Variants in ADCY3 observed in about 807,000 individuals in gnomAD.
ADCY3 encodes the protein adenylate cyclase type 3.
ADCY3 carries 70 observed loss-of-function variants against 119.4 expected under a neutral mutation model. The ratio of observed to expected loss-of-function variants is 0.59; its 90% CI spans 0.48 to 0.72. ADCY3 has a LOEUF of 0.72. Ranked by LOEUF, ADCY3 falls within the 30% of genes least tolerant of loss-of-function variation. ADCY3 has a pLI of 0.00. For synonymous variants in ADCY3, 672 were observed against 621.4 expected, an observed-to-expected ratio of 1.08 and a Z score of -1.21; for missense variants, 1,238 against 1,541.6, an observed-to-expected ratio of 0.80 and a Z score of 3.30.
chr2:24,877,888 G>A (rs1245981204), intron 2 of ADCY3: 1 of 471,064 alleles, frequency 2.1e-6, no homozygotes, highest in Non-Finnish European at 4.4e-6. Context: ...GGAGCTGACT[G>A]CACTGCCCAG....
chr2:24,829,022 C>CTTTAT (rs568267373), intron 13 of ADCY3, among the ~76,000 whole-genome samples: 1 of 144,546 alleles, frequency 6.9e-6, no homozygotes, highest in African/African-American at 2.5e-5. Flanking sequence ...TCTTTTTTTT[C>CTTTAT]TTTTTTTTTT....
intron 2 of ADCY3, among the ~76,000 whole-genome samples, chr2:24,913,379 G>A (rs1356617598): frequency 6.6e-6 from 1 of 152,236 alleles, no homozygotes; most frequent in African/African-American, 2.4e-5. Context: ...CTTAGGGACT[G>A]CCATCTCTTG....
In ADCY3 at chr2:24,872,759, A is replaced by T; in HGVS notation, c.676-40T>A. ...AGAAGAGAGAAAAGGCCAGGGGTGA[A>T]GGCACGTCTTCAGAAAAGGGGATGG... On this transcript the variant is annotated intron_variant, in intron 2 of 21. Coordinates refer to ENST00000679454, the MANE Select transcript of ADCY3 (RefSeq NM_004036.5). This position sits in a 1 kb window ranked among gnomAD's most constrained non-coding sequence, Gnocchi z 4.4. 6.3e-7 allele frequency: 1 copy of T among 1,596,632 alleles called. No homozygotes were observed. Among genetic ancestry groups the T allele is most frequent in the Non-Finnish European group, 8.6e-7 (1 of 1,167,850 alleles).
At chr2:24,864,012 C>T (rs924272213) in intron 3 of ADCY3, among the ~76,000 whole-genome samples, 3 of 152,242 alleles carry the variant, frequency 2.0e-5, no homozygotes, top group Non-Finnish European at 2.9e-5. Context: ...GGAGGCCGGA[C>T]GTGGTGGCTC....
intron 9 of ADCY3, 126 bp from the exon 10 acceptor site, chr2:24,835,062 CTCTAAAA>C: frequency 8.0e-7 from 1 of 1,254,284 alleles, no homozygotes; most frequent in Non-Finnish European, 1.1e-6. Flanking sequence ...ATCCCTCCAG[CTCTAAAA>C]TCCCTTTCCG....
intron 17 of ADCY3, 102 bp from the exon 18 acceptor site, chr2:24,823,457 TTTTTG>T (rs1668091419): frequency 1.9e-5 from 26 of 1,337,132 alleles, no homozygotes; most frequent in Non-Finnish European, 2.6e-5. Flanking sequence ...TGCACTCAGC[TTTTTG>T]GACTCACACA....
At chr2:24,856,481 G>A (rs1572902961) in intron 3 of ADCY3, among the ~76,000 whole-genome samples, 1 of 152,178 alleles carries the variant, frequency 6.6e-6, no homozygotes, top group South Asian at 2.1e-4. Flanking sequence ...AAAAGTCACT[G>A]CACCCCACCA....
rs117325815 is a variant in ADCY3, at chr2:24,860,627, C to T, written c.825+11943G>A. 4.6e-3 allele frequency among the ~76,000 whole-genome samples: 706 copies of T among 152,348 alleles called. 14 individuals carry two copies. The highest frequency in any genetic ancestry group is 1.0e-2 in the Admixed American group (153 of 15,310). ...ACCCAAATGCTCTGTTGCCTCAATG[C>T]ACCCTTTGACATGTGGACATGCTCA... On this transcript the variant is annotated intron_variant, in intron 3 of 21. Coordinates refer to ENST00000679454, the MANE Select transcript of ADCY3 (RefSeq NM_004036.5).
intron 2 of ADCY3, among the ~76,000 whole-genome samples, chr2:24,875,991 G>GT (rs200372442): frequency 2.7e-5 from 4 of 150,164 alleles, no homozygotes; most frequent in Non-Finnish European, 5.9e-5. Flanking sequence ...CTTTTTGGGA[G>GT]GGGGGCGGTG....
chr2:24,823,448 G>T, intron 17 of ADCY3, 93 bp from the exon 18 acceptor site: 1 of 1,397,960 alleles, frequency 7.2e-7, no homozygotes, highest in South Asian at 1.4e-5. Context: ...CATGACATGT[G>T]CACTCAGCTT....
chr2:24,830,044 C>CTTTTTT (rs66894795), intron 13 of ADCY3, among the ~76,000 whole-genome samples: 4 of 132,736 alleles, frequency 3.0e-5, no homozygotes, highest in Non-Finnish European at 4.8e-5. Flanking sequence ...AGTGAATTAC[C>CTTTTTT]TTTTTTTTTT....
At chr2:24,908,884 T>G (rs573734084) in intron 2 of ADCY3, among the ~76,000 whole-genome samples, 10 of 142,116 alleles carry the variant, frequency 7.0e-5, no homozygotes, top group African/African-American at 2.7e-4. Flanking sequence ...AGATGTCCCA[T>G]GCTGAGGGCC....
Position 24,834,361 on chromosome 2 carries a change from G to T in ADCY3, c.1967+124C>A. On this transcript the variant is annotated intron_variant, in intron 11 of 21. Coordinates refer to ENST00000679454, the MANE Select transcript of ADCY3 (RefSeq NM_004036.5). The surrounding 1 kb of genome is among the most constrained non-coding windows in gnomAD (Gnocchi z 4.2). ...GGCCTGTGGGGGCCGTCCCAGTGGG[G>T]GTCAGGGAGCAGAGACTGGCTTGCT... The T allele has an allele frequency of 8.2e-7, 1 of 1,214,910 alleles. No individual in the cohort carries two copies. Among genetic ancestry groups the T allele is most frequent in the Non-Finnish European group, 1.1e-6 (1 of 884,444 alleles). 75.3% of individuals were successfully genotyped at this position (1,214,910 alleles called of 1,614,324 possible).
At chr2:24,836,236 C>G (rs1353085788) in intron 9 of ADCY3, among the ~76,000 whole-genome samples, 1 of 152,242 alleles carries the variant, frequency 6.6e-6, no homozygotes, top group Admixed American at 6.5e-5. Flanking sequence ...GGAAAAGTTA[C>G]TGAATGTTGG....
intron 7 of ADCY3, among the ~76,000 whole-genome samples, chr2:24,839,452 C>T (rs564502061): frequency 6.6e-5 from 10 of 152,314 alleles, no homozygotes; most frequent in East Asian, 3.9e-4. Context: ...TCAAGTAAGG[C>T]GTGTAATCGC....
At chr2:24,829,643 C>T (rs986704820) in intron 13 of ADCY3, among the ~76,000 whole-genome samples, 28 of 151,376 alleles carry the variant, frequency 1.8e-4, no homozygotes, top group South Asian at 1.7e-3. Flanking sequence ...AGGATGATTT[C>T]GATCTCCTGA....
intron 11 of ADCY3, chr2:24,832,156 G>C (rs1363486273): frequency 4.7e-6 from 1 of 213,784 alleles, no homozygotes; most frequent in African/African-American, 2.3e-5. Flanking sequence ...CCAGGGAATT[G>C]CTGCTGCCTG....
At chr2:24,865,543 T>C (rs1267647719) in intron 3 of ADCY3, among the ~76,000 whole-genome samples, 1 of 147,672 alleles carries the variant, frequency 6.8e-6, no homozygotes, top group Non-Finnish European at 1.5e-5. Context: ...GTGAAAATTC[T>C]ATAAACCTCT....
intron 2 of ADCY3, among the ~76,000 whole-genome samples, chr2:24,895,095 C>A (rs1236688295): frequency 6.6e-6 from 1 of 151,508 alleles, no homozygotes; most frequent in Non-Finnish European, 1.5e-5. Context: ...CTTCATTTTT[C>A]TTTTTCTTTT....
Sources: gnomAD v4.1 joint callset for allele counts (sites outside exome capture counted in the v4.1 genomes callset) on GRCh38, gnomAD v4.1.1 for gene constraint, Gnocchi (gnomAD v3.1) non-coding constraint, MANE v1.5 for transcripts, NCBI Gene and HGNC (gene_info 2026-07-23, HGNC 2026-07-21) for gene names.